Variants in TMEM154 observed in about 807,000 individuals in gnomAD.
The protein encoded by TMEM154 is transmembrane protein 154.
Under a neutral mutation model 24.5 loss-of-function variants are expected in TMEM154, and 27 were observed. The observed-to-expected ratio is 1.10, with a 90% CI of 0.81 to 1.52. The LOEUF (loss-of-function observed/expected upper bound fraction) is 1.52, where lower values mean the gene tolerates loss of function less well. Ranked by LOEUF, TMEM154 falls within the 40% of genes most tolerant of loss-of-function variation. The pLI is 0.00. For missense variants in TMEM154, 228 were observed against 213.4 expected, an observed-to-expected ratio of 1.07 and a Z score of -0.43; for synonymous variants, 67 against 76.8, an observed-to-expected ratio of 0.87 and a Z score of 0.67.
rs952471050 is a variant in TMEM154 at position 152,620,019 on chromosome 4, G to A, written c.*8527C>T. 1 of 152,258 alleles carries A rather than the reference G, an allele frequency of 6.6e-6. No individual in the cohort carries two copies. The highest frequency in any genetic ancestry group is 6.5e-5 in the Admixed American group (1 of 15,272). The allele number at this position is 152,258 out of a possible 1,614,324, so 9.4% of individuals were successfully genotyped here. A position where few individuals can be genotyped will look rare whatever the true frequency, so the allele number is the denominator to read the frequency against. On this transcript the variant is annotated 3_prime_UTR_variant, in exon 7 of 7. Transcript: ENST00000304385. ...ATGCCTCCAGGGGTGGGCCACTTGA[G>A]CTCAGGCTGAATCCCAAGCAATGCT...
intron 6 of TMEM154, among the ~76,000 whole-genome samples, chr4:152,629,342 G>A (rs2149776925): frequency 6.6e-6 from 1 of 152,358 alleles, no homozygotes; most frequent in African/African-American, 2.4e-5. Context: ...CAAAGGAGCT[G>A]AAGGGGCCTT....
At position 152,679,977 on chromosome 4, in the gene TMEM154, G is replaced by A. The variant is rs1212030056; in HGVS notation, c.-44C>T. On this transcript the variant is annotated 5_prime_UTR_variant, in exon 1 of 7. Transcript: ENST00000304385. ...AGGCGCGCTCAGGATGCTGCGCCGGGCTGCAGCCTCTCTGAAACGTGAACA... is the reference window on the plus strand; with the variant it reads ...AGGCGCGCTCAGGATGCTGCGCCGGACTGCAGCCTCTCTGAAACGTGAACA... 1.3e-6 allele frequency: 2 copies of A among 1,555,442 alleles called. No homozygotes were observed. The highest frequency in any genetic ancestry group is 8.8e-7 in the Non-Finnish European group (1 of 1,139,752).
intron 1 of TMEM154, chr4:152,666,691 A>G (rs1288161083): frequency 6.6e-6 from 1 of 152,288 alleles, no homozygotes; most frequent in African/African-American, 2.4e-5. Context: ...ATTGTTCAGC[A>G]TCTGTGGAAT....
rs114896170 is a variant in TMEM154, at chr4:152,640,848, G to A, written c.536+80C>T. On this transcript the variant is annotated intron_variant, in intron 6 of 6. Coordinates refer to ENST00000304385, the MANE Select transcript of TMEM154 (RefSeq NM_152680.3). ...CGAATTATAGGCACGGAGGAGGTAA[G>A]CAAAAAGTGTTCCACCCTGGTTCCC... 1.9e-3 allele frequency: 2,408 copies of A among 1,275,286 alleles called. 23 individuals are homozygous for A. In the African/African-American group the frequency reaches 0.022, roughly 12 times the overall value. The allele number at this position is 1,275,286 out of a possible 1,614,324, so 79.0% of individuals were successfully genotyped here. A position where few individuals can be genotyped will look rare whatever the true frequency, so the allele number is the denominator to read the frequency against.
At position 152,664,486 on chromosome 4, in the gene TMEM154, T is replaced by C. The variant is rs140535859; in HGVS notation, c.65-11559A>G. Among the ~76,000 whole-genome samples, 437 of 152,284 alleles carry C rather than the reference T, an allele frequency of 2.9e-3. 1 individual carries two copies. Among genetic ancestry groups the C allele is most frequent in the African/African-American group, 8.8e-3 (366 of 41,560 alleles). On this transcript the variant is annotated intron_variant, in intron 1 of 6. Transcript: ENST00000304385. ...GTAGCAAACCGCCATGGCACACATA[T>C]ACCTATGTAACAAACCTGCACACTG...
intron 1 of TMEM154, among the ~76,000 whole-genome samples, chr4:152,671,077 G>A (rs747464111): frequency 7.2e-5 from 11 of 152,150 alleles, no homozygotes; most frequent in African/African-American, 2.7e-4. Flanking sequence ...TGATGCAGGG[G>A]AATGGACCAG....
At chr4:152,669,696 C>A (rs1392788604) in intron 1 of TMEM154, 1 of 152,146 alleles carries the variant, frequency 6.6e-6, no homozygotes, top group East Asian at 1.9e-4. Context: ...GGAATAATTA[C>A]AATATGTCAG....
intron 4 of TMEM154, among the ~76,000 whole-genome samples, chr4:152,643,963 C>T (rs1439445240): frequency 6.6e-6 from 1 of 151,510 alleles, no homozygotes; most frequent in Non-Finnish European, 1.5e-5. Context: ...CTCTTCCCTT[C>T]TCCTCCTCTC....
intron 3 of TMEM154, among the ~76,000 whole-genome samples, chr4:152,652,234 C>T (rs1341767932): frequency 6.7e-6 from 1 of 148,776 alleles, no homozygotes. Flanking sequence ...TACCAATAGA[C>T]TGGTTTGAGG....
intron 3 of TMEM154, among the ~76,000 whole-genome samples, chr4:152,649,952 T>C (rs2149783570): frequency 6.6e-6 from 1 of 152,382 alleles, no homozygotes. Flanking sequence ...ACATTGTGTC[T>C]ACAGAGACAA....
chr4:152,652,305 T>A, intron 3 of TMEM154, among the ~76,000 whole-genome samples: 2 of 147,748 alleles, frequency 1.4e-5, no homozygotes. Flanking sequence ...ACCTGTAAAG[T>A]GCAATAAAGC....
chr4:152,670,792 C>T lies in TMEM154; in HGVS notation c.64+9078G>A, dbSNP rs957528014. On this transcript the variant is annotated intron_variant, in intron 1 of 6. Transcript: ENST00000304385. ...AAATCTTGGGGCATTTGATAAATTTCATGTTTATGCATTCATTGAGTCAGC... is the reference window on the plus strand; with the variant it reads ...AAATCTTGGGGCATTTGATAAATTTTATGTTTATGCATTCATTGAGTCAGC... 2.0e-5 allele frequency among the ~76,000 whole-genome samples: 3 copies of T among 152,008 alleles called. No individual in the cohort carries two copies. The South Asian group carries it at 6.2e-4, about 32-fold the overall frequency.
rs949890319 is a variant in TMEM154, at chr4:152,679,537, T to TC, written c.64+332_64+333insG. Among the ~76,000 whole-genome samples the TC allele has an allele frequency of 9.9e-4, 15 of 15,184 alleles. No homozygotes were observed. The East Asian group carries it at 0.4, about 405-fold the overall frequency. 10.0% of individuals were successfully genotyped at this position (15,184 alleles called of 152,430 possible). On this transcript the variant is annotated intron_variant, in intron 1 of 6. Coordinates refer to ENST00000304385, the MANE Select transcript of TMEM154 (RefSeq NM_152680.3). ...CTGTTTCAGCCAATTGAAGCTTTTG[T>TC]TTTTTTTTACATAAACTGCCAAAAA...
intron 1 of TMEM154, among the ~76,000 whole-genome samples, chr4:152,664,324 T>C (rs753407688): frequency 4.1e-5 from 6 of 146,472 alleles, no homozygotes; most frequent in Admixed American, 1.4e-4. Context: ...AGTTGAACAA[T>C]GACAATACAT....
chr4:152,634,631 T>A (rs1243865636), intron 6 of TMEM154, among the ~76,000 whole-genome samples: 1 of 152,214 alleles, frequency 6.6e-6, no homozygotes, highest in East Asian at 1.9e-4. Flanking sequence ...TAAAAGTAAG[T>A]ACATCTTCTC....
chr4:152,661,167 C>A (rs1236031822), intron 1 of TMEM154, among the ~76,000 whole-genome samples: 1 of 152,136 alleles, frequency 6.6e-6, no homozygotes, highest in Non-Finnish European at 1.5e-5. Context: ...TGAAAGTTCT[C>A]TCTGCAATGT....
rs1350232418 is a variant in TMEM154, at chr4:152,624,369, G to A, written c.*4177C>T. 6.6e-6 allele frequency: 1 copy of A among 152,214 alleles called. No individual in the cohort carries two copies. Among genetic ancestry groups the A allele is most frequent in the East Asian group, 1.9e-4 (1 of 5,190 alleles). 9.4% of individuals were successfully genotyped at this position (152,214 alleles called of 1,614,324 possible). A position where few individuals can be genotyped will look rare whatever the true frequency, so the allele number is the denominator to read the frequency against. ...AATCCCAGGACTTTTGGAGGCTGTG[G>A]TGGGAGGATTGCTTGAACCTAGAAG... On this transcript the variant is annotated 3_prime_UTR_variant, in exon 7 of 7. Transcript: ENST00000304385.
intron 3 of TMEM154, among the ~76,000 whole-genome samples, chr4:152,645,935 AC>A (rs1752361807): frequency 3.4e-3 from 5 of 1,450 alleles, no homozygotes; most frequent in Admixed American, 0.013. Flanking sequence ...AAAGGAGAAT[AC>A]ACACACACAC....
chr4:152,628,206 T>G lies in TMEM154; in HGVS notation c.*340A>C. On this transcript the variant is annotated 3_prime_UTR_variant, in exon 7 of 7. Coordinates refer to ENST00000304385, the MANE Select transcript of TMEM154 (RefSeq NM_152680.3). Reference sequence around the variant, plus strand: ...GAATGAAGCAGAAAGGTGACGAACATTTATCATGACCAGAGTGAGTTCAGT... The same window carrying G: ...GAATGAAGCAGAAAGGTGACGAACAGTTATCATGACCAGAGTGAGTTCAGT... 1 of 336,324 alleles carries G rather than the reference T, an allele frequency of 3.0e-6. No individual in the cohort carries two copies. The highest frequency in any genetic ancestry group is 5.4e-6 in the Non-Finnish European group (1 of 185,792). The allele number at this position is 336,324 out of a possible 1,614,324, so 20.8% of individuals were successfully genotyped here.
Sources: gnomAD v4.1 joint callset for allele counts (sites outside exome capture counted in the v4.1 genomes callset) on GRCh38, gnomAD v4.1.1 for gene constraint, MANE v1.5 for transcripts, NCBI Gene and HGNC (gene_info 2026-07-23, HGNC 2026-07-21) for gene names.